ZNF446: variants seen among roughly 807,000 people sequenced by gnomAD.
The protein encoded by ZNF446 is zinc finger protein 446, also known as zinc finger protein with KRAB and SCAN domains 20.
Under a neutral mutation model 34.0 loss-of-function variants are expected in ZNF446, and 42 were observed. That is an observed-to-expected ratio of 1.23 (90% CI 0.96 to 1.60). The LOEUF is 1.60. ZNF446 is among the 40% of genes most tolerant of loss of function. The probability of loss-of-function intolerance (pLI) is 0.00; values close to 1 mark genes in which losing one functional copy is unlikely to be tolerated. For synonymous variants in ZNF446, 315 were observed against 251.0 expected, an observed-to-expected ratio of 1.25 and a Z score of -2.41; for missense variants, 650 against 600.2, an observed-to-expected ratio of 1.08 and a Z score of -0.87.
At position 58,480,061 on chromosome 19, in the gene ZNF446, A is replaced by G; in HGVS notation, c.802+42A>G. On this transcript the variant is annotated intron_variant, in intron 6 of 6. Transcript: ENST00000594369. This position sits in a 1 kb window ranked among gnomAD's most constrained non-coding sequence, Gnocchi z 7.2. ...ATCCAGCCTGAATCACCCCTCCTGT[A>G]TCGGTGGGACCTGAGCCACCCACTC... 6.4e-7 allele frequency: 1 copy of G among 1,564,160 alleles called. No individual in the cohort carries two copies. Among genetic ancestry groups the G allele is most frequent in the South Asian group, 1.2e-5 (1 of 86,242 alleles).
At chr19:58,478,700 G>A (rs2053111311) in intron 4 of ZNF446, among the ~76,000 whole-genome samples, 1 of 151,960 alleles carries the variant, frequency 6.6e-6, no homozygotes. Flanking sequence ...TGGGCCTCAA[G>A]CCATGGAAAC....
chr19:58,477,599 C>T (rs1212093356), intron 2 of ZNF446, 38 bp from the exon 3 acceptor site: 1 of 1,613,218 alleles, frequency 6.2e-7, no homozygotes, highest in Admixed American at 1.7e-5. Flanking sequence ...AGGGATAGAC[C>T]CTGGCTAGAG....
chr19:58,489,020 A>T, the ZNF446 span, among the ~76,000 whole-genome samples: 2 of 152,138 alleles, frequency 1.3e-5, no homozygotes, highest in Non-Finnish European at 2.9e-5. Context: ...CTAACCTCTA[A>T]GCTGTCCTAG....
chr19:58,486,180 G>A (rs927774635), downstream of ZNF446, among the ~76,000 whole-genome samples: 8 of 136,036 alleles, frequency 5.9e-5, no homozygotes, highest in East Asian at 4.5e-4. Context: ...TGCAACCTCC[G>A]ACTCATGGGT....
chr19:58,479,324 A>G (rs2053116434), intron 4 of ZNF446, among the ~76,000 whole-genome samples: 1 of 152,206 alleles, frequency 6.6e-6, no homozygotes, highest in Non-Finnish European at 1.5e-5. Context: ...GATGGGACTC[A>G]GGCAGCAAGG....
At chr19:58,485,112 A>C (rs1051765457), downstream of ZNF446, among the ~76,000 whole-genome samples, 1 of 152,198 alleles carries the variant, frequency 6.6e-6, no homozygotes, top group Non-Finnish European at 1.5e-5. Context: ...GCATGTGGAA[A>C]AGTCCAAGAA....
rs372469497 is a variant in ZNF446 at position 58,479,643 on chromosome 19, G to C, written c.628G>C (p.Glu210Gln). The C allele has an allele frequency of 1.9e-6, 3 of 1,613,632 alleles. No individual in the cohort carries two copies. Among genetic ancestry groups the C allele is most frequent in the Non-Finnish European group, 2.5e-6 (3 of 1,179,924 alleles). The change falls in exon 5 of 7, where the codon GAG (glutamate) becomes CAG (glutamine). Residue 210 changes from glutamate to glutamine, a missense_variant and splice_region_variant. Transcript: ENST00000594369. ...CTACAGTGATGGGCCACATCCGCAG[G>C]AGGAGTGGGGGCTGCTGGACCGGTC... ...STSFHPPRIQ[E>Q]EWGLLDRSQK...
Position 58,477,831 on chromosome 19 carries a change from G to C in ZNF446, c.532+5G>C, listed in dbSNP as rs766253729. On this transcript the variant is annotated splice_donor_5th_base_variant and intron_variant, in intron 3 of 6. Coordinates refer to ENST00000594369, the MANE Select transcript of ZNF446 (RefSeq NM_017908.4). ...ATGTCGATGGACAGGAAGTGGGTGA[G>C]GTTGGGGTCCCACCAGAGATGAGGG... 4 of 1,540,828 alleles carry C rather than the reference G, an allele frequency of 2.6e-6. No individual in the cohort carries two copies. Among genetic ancestry groups the C allele is most frequent in the Non-Finnish European group, 3.5e-6 (4 of 1,146,774 alleles).
At chr19:58,478,048 AGCCCCTGACACC>A in intron 3 of ZNF446, 27 bp from the exon 4 acceptor site, 2 of 1,572,346 alleles carry the variant, frequency 1.3e-6, no homozygotes, top group Non-Finnish European at 1.7e-6. Context: ...TCATGTGGGC[AGCCCCTGACACC>A]ACCCTTCCAT....
At chr19:58,488,387 C>A in the ZNF446 span, among the ~76,000 whole-genome samples, 2 of 152,212 alleles carry the variant, frequency 1.3e-5, no homozygotes, top group African/African-American at 4.8e-5. Context: ...AGGGCTTCAC[C>A]TGCCTTGCTC....
Position 58,476,410 on chromosome 19 carries a change from C to A in ZNF446, c.-135C>A. 6.6e-6 allele frequency: 1 copy of A among 152,498 alleles called. No individual in the cohort carries two copies. The highest frequency in any genetic ancestry group is 3.4e-3 in the Middle Eastern group (1 of 296). 9.4% of individuals were successfully genotyped at this position (152,498 alleles called of 1,614,324 possible). A position where few individuals can be genotyped will look rare whatever the true frequency, so the allele number is the denominator to read the frequency against. ...GGCCTGGCAAGTCCTCTTGGAACGC[C>A]TCCCTCTTGCCTTCCCCTTTTGGGG... On this transcript the variant is annotated 5_prime_UTR_variant, in exon 1 of 7. Coordinates refer to ENST00000594369, the MANE Select transcript of ZNF446 (RefSeq NM_017908.4).
chr19:58,481,645 A>G (rs7249354), downstream of ZNF446, among the ~76,000 whole-genome samples: 1 of 152,236 alleles, frequency 6.6e-6, no homozygotes, highest in African/African-American at 2.4e-5. Context: ...CTGGGCAGTC[A>G]CTGGGGACTC....
rs149794317 is a variant in ZNF446 at position 58,477,306 on chromosome 19, C to T, written c.88C>T (p.Arg30Ter). Residue 30 changes from arginine to a stop codon, truncating the protein, a stop_gained, in exon 2 of 7, where the codon CGA (arginine) becomes TGA (stop). Coordinates refer to ENST00000594369, the MANE Select transcript of ZNF446 (RefSeq NM_017908.4). LOFTEE classifies it high-confidence loss of function. The stretch of plus-strand genomic sequence containing the variant: ...GCCTGAGACTGCCCGCCTCCGCTTC[C>T]GAGGGTTCTGCTACCAGGAGGTGGC... ...EEPETARLRF[R>*]GFCYQEVAGP... 18 of 1,613,054 alleles carry T rather than the reference C, an allele frequency of 1.1e-5. No homozygotes were observed. Among genetic ancestry groups the T allele is most frequent in the Non-Finnish European group, 1.4e-5 (16 of 1,179,940 alleles).
chr19:58,488,809 C>G, the ZNF446 span, among the ~76,000 whole-genome samples: 1 of 143,888 alleles, frequency 6.9e-6, no homozygotes, highest in Non-Finnish European at 1.5e-5. Context: ...CAAGATCACG[C>G]CACTGCACTC....
At chr19:58,488,924 G>T in the ZNF446 span, among the ~76,000 whole-genome samples, 1 of 151,748 alleles carries the variant, frequency 6.6e-6, no homozygotes, top group Non-Finnish European at 1.5e-5. Context: ...CAGGACCTGT[G>T]CATATGATGA....
At position 58,477,354 on chromosome 19, in the gene ZNF446, C is replaced by T. The variant is rs147631014; in HGVS notation, c.136C>T (p.Arg46Trp). 70 of 1,613,236 alleles carry T rather than the reference C, an allele frequency of 4.3e-5. No homozygotes were observed. The highest frequency in any genetic ancestry group is 1.1e-4 in the South Asian group (10 of 91,084). The change falls in exon 2 of 7, where the codon CGG becomes TGG. Residue 46 changes from arginine to tryptophan, a missense_variant. Arg to Trp is a moderately radical substitution (Grantham distance 101). Transcript: ENST00000594369. Reference sequence around the variant, plus strand: ...GGCAGGTCCCCGAGAAGCCCTGGCCCGGCTGCGTGAGCTGTGTTGCCAGTG... The same window carrying T: ...GGCAGGTCCCCGAGAAGCCCTGGCCTGGCTGCGTGAGCTGTGTTGCCAGTG... Reference protein sequence around the residue: ...EVAGPREALARLRELCCQWLQ... With the variant: ...EVAGPREALAWLRELCCQWLQ...
the ZNF446 span, among the ~76,000 whole-genome samples, chr19:58,487,063 T>C: frequency 6.6e-6 from 1 of 152,098 alleles, no homozygotes; most frequent in Non-Finnish European, 1.5e-5. Flanking sequence ...AGTGCTGGGA[T>C]TACAGGCGTG....
Position 58,480,804 on chromosome 19 carries a change from C to T in ZNF446, c.*78C>T. On this transcript the variant is annotated 3_prime_UTR_variant, in exon 7 of 7. Coordinates refer to ENST00000594369, the MANE Select transcript of ZNF446 (RefSeq NM_017908.4). The surrounding 1 kb of genome is among the most constrained non-coding windows in gnomAD (Gnocchi z 7.2). Reference sequence around the variant, plus strand: ...CAGCCTCTGGGGCACCAGCAGAAGACTCTGGAGGCAGCAGGGGATGCCAGA... The same window carrying T: ...CAGCCTCTGGGGCACCAGCAGAAGATTCTGGAGGCAGCAGGGGATGCCAGA... 1 of 1,504,320 alleles carries T rather than the reference C, an allele frequency of 6.6e-7. No individual in the cohort carries two copies. The highest frequency in any genetic ancestry group is 1.2e-5 in the South Asian group (1 of 81,396). The allele number at this position is 1,504,320 out of a possible 1,614,324, so 93.2% of individuals were successfully genotyped here. A position where few individuals can be genotyped will look rare whatever the true frequency, so the allele number is the denominator to read the frequency against.
At chr19:58,477,601 T>C (rs777568901) in intron 2 of ZNF446, 36 bp from the exon 3 acceptor site, 4 of 1,613,272 alleles carry the variant, frequency 2.5e-6, no homozygotes, top group Admixed American at 3.3e-5. Flanking sequence ...GGATAGACCC[T>C]GGCTAGAGCC....
Sources: allele counts gnomAD v4.1 joint callset (sites outside exome capture counted in the v4.1 genomes callset), GRCh38; gene constraint gnomAD v4.1.1; non-coding constraint Gnocchi (gnomAD v3.1); transcripts MANE v1.5; gene names NCBI Gene and HGNC (gene_info 2026-07-23, HGNC 2026-07-21).